Variants in ONECUT2 observed in about 807,000 individuals in gnomAD.
ONECUT2 encodes one cut domain family member 2.
A neutral mutation model predicts 27.9 loss-of-function variants in ONECUT2; 10 were observed. That is an observed-to-expected ratio of 0.36 (90% CI 0.22 to 0.61). The LOEUF (loss-of-function observed/expected upper bound fraction) is 0.61. Ranked by LOEUF, ONECUT2 falls within the 20% of genes least tolerant of loss-of-function variation. The pLI, the probability that ONECUT2 is intolerant of heterozygous loss-of-function variation, is 0.73. For synonymous variants in ONECUT2, 334 were observed against 315.1 expected, an observed-to-expected ratio of 1.06 and a Z score of -0.64; for missense variants, 686 against 721.0, an observed-to-expected ratio of 0.95 and a Z score of 0.56.
At chr18:57,449,237 C>T (rs2050216594) in intron 1 of ONECUT2, among the ~76,000 whole-genome samples, 1 of 152,220 alleles carries the variant, frequency 6.6e-6, no homozygotes, top group Non-Finnish European at 1.5e-5. Flanking sequence ...GTATCGCCTG[C>T]TGACTTGTCA....
rs570661146 is a variant in ONECUT2 at position 57,468,071 on chromosome 18, T to G, written c.1229-8366T>G. Among the ~76,000 whole-genome samples the G allele has an allele frequency of 1.4e-4, 22 of 152,332 alleles. No homozygotes were observed. In the East Asian group the frequency reaches 4.1e-3, roughly 28 times the overall value. ...TGCCAAATGGGTTAGAGGTCTGTCT[T>G]GCAAGGCCTGTGCATACATCCACAA... On this transcript the variant is annotated intron_variant, in intron 1 of 1. Transcript: ENST00000491143.
At position 57,477,052 on chromosome 18, in the gene ONECUT2, G is replaced by A. The variant is rs1429496774; in HGVS notation, c.*329G>A. Reference sequence around the variant, plus strand: ...TTCCAGTATGGTGTCAACCAAGCTCGGGATTGCTTAAAATATCATCCATCC... The same window carrying A: ...TTCCAGTATGGTGTCAACCAAGCTCAGGATTGCTTAAAATATCATCCATCC... On this transcript the variant is annotated 3_prime_UTR_variant, in exon 2 of 2. Coordinates refer to ENST00000491143, the MANE Select transcript of ONECUT2 (RefSeq NM_004852.3). The A allele has an allele frequency of 2.0e-5, 6 of 303,170 alleles. No homozygotes were observed. Among genetic ancestry groups the A allele is most frequent in the Admixed American group, 4.8e-5 (1 of 20,924 alleles). The allele number at this position is 303,170 out of a possible 1,614,324, so 18.8% of individuals were successfully genotyped here. A position where few individuals can be genotyped will look rare whatever the true frequency, so the allele number is the denominator to read the frequency against.
At chr18:57,462,582 A>G (rs1010082787) in intron 1 of ONECUT2, among the ~76,000 whole-genome samples, 2 of 152,052 alleles carry the variant, frequency 1.3e-5, no homozygotes, top group Non-Finnish European at 2.9e-5. Flanking sequence ...TTGTAGAGAC[A>G]GGGTCTCACT....
intron 1 of ONECUT2, among the ~76,000 whole-genome samples, chr18:57,460,488 A>G (rs1050825708): frequency 1.3e-5 from 2 of 151,960 alleles, no homozygotes; most frequent in African/African-American, 4.8e-5. Context: ...ACGTCATACT[A>G]TTTAAATTAT....
In ONECUT2 at chr18:57,484,207, A is replaced by G. The variant is rs1458635656; in HGVS notation, c.*7484A>G. 1 of 152,604 alleles carries G rather than the reference A, an allele frequency of 6.6e-6. No homozygotes were observed. The highest frequency in any genetic ancestry group is 6.5e-5 in the Admixed American group (1 of 15,282). The allele number at this position is 152,604 out of a possible 1,614,324, so 9.5% of individuals were successfully genotyped here. ...AGGAAAAAAACAAAAAGCAGAAAAA[A>G]GAAAAAAAAAATGAAAAACTTTCTA... On this transcript the variant is annotated 3_prime_UTR_variant, in exon 2 of 2. Transcript: ENST00000491143.
rs76265307 is a variant in ONECUT2, at chr18:57,454,590, A to G, written c.1228+17646A>G. Among the ~76,000 whole-genome samples the G allele has an allele frequency of 1.8e-3, 279 of 152,224 alleles. 2 individuals carry two copies. Among genetic ancestry groups the G allele is most frequent in the African/African-American group, 6.3e-3 (262 of 41,558 alleles). ...CATAAGGGTATATGGCACCTGGTACATTGCCTCCTATCTCCTCAGTTTTAC... is the reference window on the plus strand; with the variant it reads ...CATAAGGGTATATGGCACCTGGTACGTTGCCTCCTATCTCCTCAGTTTTAC... On this transcript the variant is annotated intron_variant, in intron 1 of 1. Transcript: ENST00000491143.
intron 1 of ONECUT2, among the ~76,000 whole-genome samples, chr18:57,441,727 A>G (rs560169153): frequency 6.6e-6 from 1 of 152,266 alleles, no homozygotes; most frequent in Non-Finnish European, 1.5e-5. Flanking sequence ...GCAGAGCTTA[A>G]TCAGCCGCAG....
Position 57,481,271 on chromosome 18 carries a change from T to C in ONECUT2, c.*4548T>C, listed in dbSNP as rs1419883551. 1 of 152,230 alleles carries C rather than the reference T, an allele frequency of 6.6e-6. No homozygotes were observed. Among genetic ancestry groups the C allele is most frequent in the Non-Finnish European group, 1.5e-5 (1 of 68,036 alleles). 9.4% of individuals were successfully genotyped at this position (152,230 alleles called of 1,614,324 possible). A position where few individuals can be genotyped will look rare whatever the true frequency, so the allele number is the denominator to read the frequency against. ...TTGCACCATGCATAAAGGTGCAGGC[T>C]AGTTGAACCAGGAAGCATGGCACTT... On this transcript the variant is annotated 3_prime_UTR_variant, in exon 2 of 2. Transcript: ENST00000491143.
At chr18:57,471,933 C>A (rs1192085040) in intron 1 of ONECUT2, among the ~76,000 whole-genome samples, 1 of 152,208 alleles carries the variant, frequency 6.6e-6, no homozygotes, top group Non-Finnish European at 1.5e-5. Flanking sequence ...ACCCACCTCC[C>A]CATCAGGCAG....
rs2050439108 is a variant in ONECUT2 at position 57,486,489 on chromosome 18, C to CCG, written c.*9770_*9771dup. Reference sequence around the variant, plus strand: ...AACCTGGGCATGTTGGCAATGCAGACCGCGCAATTCCTTACCGAATTTTCT... The same window carrying CCG: ...AACCTGGGCATGTTGGCAATGCAGACCGCGCGCAATTCCTTACCGAATTTTCT... On this transcript the variant is annotated 3_prime_UTR_variant, in exon 2 of 2. Transcript: ENST00000491143. The CCG allele has an allele frequency of 6.6e-6, 1 of 152,560 alleles. No individual in the cohort carries two copies. The highest frequency in any genetic ancestry group is 2.1e-4 in the South Asian group (1 of 4,826). The allele number at this position is 152,560 out of a possible 1,614,324, so 9.5% of individuals were successfully genotyped here. A position where few individuals can be genotyped will look rare whatever the true frequency, so the allele number is the denominator to read the frequency against.
At chr18:57,467,268 C>T (rs1371237794) in intron 1 of ONECUT2, 6 of 436,008 alleles carry the variant, frequency 1.4e-5, no homozygotes, top group African/African-American at 4.1e-5. Context: ...AGACCAGCTT[C>T]GACATCCAAG....
chr18:57,439,056 T>C (rs1191272771), intron 1 of ONECUT2, among the ~76,000 whole-genome samples: 3 of 152,228 alleles, frequency 2.0e-5, no homozygotes, highest in Non-Finnish European at 4.4e-5. Context: ...CTCAGAGCGC[T>C]GCCGCCCCCT....
intron 1 of ONECUT2, among the ~76,000 whole-genome samples, chr18:57,462,723 C>CTGTTTTTTTTT (rs2050299267): frequency 1.4e-5 from 1 of 68,998 alleles, no homozygotes; most frequent in African/African-American, 5.9e-5. Context: ...TATTTTCTTT[C>CTGTTTTTTTTT]TTTTTTTTTT....
chr18:57,452,918 A>G (rs577307951), intron 1 of ONECUT2, among the ~76,000 whole-genome samples: 1 of 152,362 alleles, frequency 6.6e-6, no homozygotes, highest in African/African-American at 2.4e-5. Context: ...ACCAATGAAT[A>G]AAGAAGCAAG....
rs1000743355 is a variant in ONECUT2 at position 57,478,125 on chromosome 18, G to C, written c.*1402G>C. 1 of 152,646 alleles carries C rather than the reference G, an allele frequency of 6.6e-6. No individual in the cohort carries two copies. The highest frequency in any genetic ancestry group is 2.4e-5 in the African/African-American group (1 of 41,458). 9.5% of individuals were successfully genotyped at this position (152,646 alleles called of 1,614,324 possible). A position where few individuals can be genotyped will look rare whatever the true frequency, so the allele number is the denominator to read the frequency against. ...CGAATGGCATTCAGCTCTTGCATTT[G>C]GCGCATCATCGGGCTGAGCGGACCA... is the stretch of plus-strand genomic sequence containing the variant. On this transcript the variant is annotated 3_prime_UTR_variant, in exon 2 of 2. Coordinates refer to ENST00000491143, the MANE Select transcript of ONECUT2 (RefSeq NM_004852.3).
At chr18:57,437,298 G>A (rs1431184734) in intron 1 of ONECUT2, among the ~76,000 whole-genome samples, 2 of 151,926 alleles carry the variant, frequency 1.3e-5, no homozygotes, top group Non-Finnish European at 2.9e-5. Context: ...TTTTCCTCTA[G>A]GAGCCCTGTC....
intron 1 of ONECUT2, among the ~76,000 whole-genome samples, chr18:57,454,052 A>C (rs530942501): frequency 2.6e-5 from 4 of 152,314 alleles, no homozygotes; most frequent in African/African-American, 9.6e-5. Flanking sequence ...TTTTTAAAAA[A>C]ATTGTTCCAA....
At chr18:57,470,812 G>A (rs1156724335) in intron 1 of ONECUT2, among the ~76,000 whole-genome samples, 1 of 151,594 alleles carries the variant, frequency 6.6e-6, no homozygotes, top group East Asian at 1.9e-4. Flanking sequence ...CACAACCGAG[G>A]TCAGTCTACC....
At chr18:57,442,955 C>A (rs1339635047) in intron 1 of ONECUT2, among the ~76,000 whole-genome samples, 1 of 152,120 alleles carries the variant, frequency 6.6e-6, no homozygotes, top group Non-Finnish European at 1.5e-5. Flanking sequence ...GTCTTCAAAC[C>A]AAGGCTTCAT....
Sources: allele counts gnomAD v4.1 joint callset (sites outside exome capture counted in the v4.1 genomes callset), GRCh38; gene constraint gnomAD v4.1.1; transcripts MANE v1.5; gene names NCBI Gene and HGNC (gene_info 2026-07-23, HGNC 2026-07-21).